PCDHA2: variants seen among roughly 807,000 people sequenced by gnomAD.
PCDHA2 encodes the protein protocadherin alpha 2, also known as protocadherin alpha-2.
A neutral mutation model predicts 66.0 loss-of-function variants in PCDHA2; 58 were observed. The observed-to-expected ratio is 0.88, with a 90% CI of 0.71 to 1.09. The LOEUF is 1.09. Among genes scored for constraint, PCDHA2 ranks in the 50% least tolerant of loss-of-function variants. The pLI is 0.00. For synonymous variants in PCDHA2, 634 were observed against 554.0 expected, an observed-to-expected ratio of 1.14 and a Z score of -2.03; for missense variants, 1,267 against 1,242.3, an observed-to-expected ratio of 1.02 and a Z score of -0.30.
chr5:140,911,693 CAAAT>C, intron 1 of PCDHA2, among the ~76,000 whole-genome samples: 1 of 152,156 alleles, frequency 6.6e-6, no homozygotes, highest in East Asian at 1.9e-4. Flanking sequence ...TCAGGAGTGT[CAAAT>C]GAATTTATTT....
rs2150128488 is a variant in PCDHA2 at position 140,823,719 on chromosome 5, G to A, written c.2388+26367G>A. The A allele has an allele frequency of 3.1e-6, 5 of 1,613,928 alleles. No individual in the cohort carries two copies. In the African/African-American group the frequency reaches 5.3e-5, roughly 17 times the overall value. ...AAGCACCGCGCCACCGCCTTCTGGT[G>A]CTGGTGAAGGACCATGGAGAGCCCC... On this transcript the variant is annotated intron_variant, in intron 1 of 3. Transcript: ENST00000526136.
chr5:140,865,798 C>T (rs1467476362), intron 1 of PCDHA2: 1 of 152,146 alleles, frequency 6.6e-6, no homozygotes, highest in East Asian at 1.9e-4. Context: ...AGGCTTCAGA[C>T]TCATTCTTTT....
intron 1 of PCDHA2, among the ~76,000 whole-genome samples, chr5:140,946,207 A>G (rs1435472095): frequency 2.0e-5 from 3 of 152,068 alleles, no homozygotes; most frequent in Non-Finnish European, 4.4e-5. Flanking sequence ...AAAGCACACA[A>G]ATGACCAACA....
In PCDHA2 at chr5:140,922,291, T is replaced by A. The variant is rs951080588; in HGVS notation, c.2389-56658T>A. ...AGATTGGACCAAGATATGAAAATGC[T>A]AGGAGAGGATACCTTTCACTGAAGA... On this transcript the variant is annotated intron_variant, in intron 1 of 3. Coordinates refer to ENST00000526136, the MANE Select transcript of PCDHA2 (RefSeq NM_018905.3). Among the ~76,000 whole-genome samples, 38 of 152,228 alleles carry A rather than the reference T, an allele frequency of 2.5e-4. 1 individual carries two copies. The highest frequency in any genetic ancestry group is 1.5e-5 in the Non-Finnish European group (1 of 68,048).
chr5:140,838,880 A>T (rs959221934), intron 1 of PCDHA2, among the ~76,000 whole-genome samples: 5 of 151,848 alleles, frequency 3.3e-5, no homozygotes. Context: ...ATGCCACTGA[A>T]CTCCAGCCTA....
intron 3 of PCDHA2, among the ~76,000 whole-genome samples, chr5:140,997,500 C>T (rs567570276): frequency 5.3e-4 from 80 of 152,250 alleles, no homozygotes; most frequent in South Asian, 3.9e-3. Context: ...TGTATCTCAA[C>T]ATACCTAAAC....
At chr5:140,801,335 C>A (rs782420366) in intron 1 of PCDHA2, 1 of 1,613,244 alleles carries the variant, frequency 6.2e-7, no homozygotes, top group East Asian at 2.2e-5. Context: ...CCTTCGTGGG[C>A]CGCATCGCGC....
intron 1 of PCDHA2, chr5:140,877,657 G>A: frequency 6.2e-7 from 1 of 1,613,570 alleles, no homozygotes; most frequent in Non-Finnish European, 8.5e-7. Flanking sequence ...GCCGCCCACC[G>A]TGAGCCGGTG....
At position 140,796,667 on chromosome 5, in the gene PCDHA2, C is replaced by T. The variant is rs1554120037; in HGVS notation, c.1703C>T (p.Pro568Leu). 1 of 1,613,886 alleles carries T rather than the reference C, an allele frequency of 6.2e-7. No homozygotes were observed. Among genetic ancestry groups the T allele is most frequent in the Non-Finnish European group, 8.5e-7 (1 of 1,179,880 alleles). ...GACAACGCGCCGGCACTGTTGGCGC[C>T]TAGGGCTGGCACCGCTGCTGGCGCA... ...ENDNAPALLA[P>L]RAGTAAGAVS... The change falls in exon 1 of 4, where the codon CCT becomes CTT. Residue 568 changes from proline (P) to leucine (L), a missense_variant. Physicochemically the swap from Pro to Leu is moderately conservative, Grantham distance 98 (BLOSUM62 -3). Coordinates refer to ENST00000526136, the MANE Select transcript of PCDHA2 (RefSeq NM_018905.3).
At chr5:140,988,963 G>A (rs1273293184) in intron 3 of PCDHA2, 2 of 152,140 alleles carry the variant, frequency 1.3e-5, no homozygotes, top group African/African-American at 4.8e-5. Flanking sequence ...CAAGCCCCAC[G>A]ATGGAGAGAA....
At chr5:140,836,178 G>A in intron 1 of PCDHA2, 1 of 1,613,826 alleles carries the variant, frequency 6.2e-7, no homozygotes, top group Non-Finnish European at 8.5e-7. Context: ...TGCAGTTGAC[G>A]CTGACTCAGG....
At chr5:140,893,608 T>C (rs2064082274) in intron 1 of PCDHA2, among the ~76,000 whole-genome samples, 1 of 152,256 alleles carries the variant, frequency 6.6e-6, no homozygotes, top group African/African-American at 2.4e-5. Flanking sequence ...TTCTCCTTCA[T>C]TTCTGAAGTA....
At chr5:140,987,944 T>C (rs910006070) in intron 3 of PCDHA2, among the ~76,000 whole-genome samples, 11 of 152,186 alleles carry the variant, frequency 7.2e-5, no homozygotes, top group African/African-American at 2.7e-4. Context: ...CTTACCTGTC[T>C]GACAAAACCA....
intron 1 of PCDHA2, among the ~76,000 whole-genome samples, chr5:140,976,726 T>C (rs2096728998): frequency 6.6e-6 from 1 of 152,202 alleles, no homozygotes; most frequent in East Asian, 1.9e-4. Context: ...TTCATTTATT[T>C]AAACACATTT....
At chr5:140,877,812 A>AGT (rs1199623134) in intron 1 of PCDHA2, 1 of 1,610,228 alleles carries the variant, frequency 6.2e-7, no homozygotes, top group East Asian at 2.2e-5. Context: ...AGCTGTCTCG[A>AGT]GAAGATTGTT....
At chr5:140,809,141 A>T in intron 1 of PCDHA2, 2 of 1,613,966 alleles carry the variant, frequency 1.2e-6, no homozygotes, top group Non-Finnish European at 1.7e-6. Flanking sequence ...GGTACTGGTG[A>T]AGGACCACGG....
intron 1 of PCDHA2, chr5:140,808,493 T>G (rs781860911): frequency 1.9e-6 from 3 of 1,614,134 alleles, no homozygotes; most frequent in Non-Finnish European, 2.5e-6. Flanking sequence ...GCCTTCGCTG[T>G]GGGCCACGGC....
At chr5:140,900,178 T>G (rs972449455) in intron 1 of PCDHA2, among the ~76,000 whole-genome samples, 1 of 152,238 alleles carries the variant, frequency 6.6e-6, no homozygotes, top group East Asian at 1.9e-4. Flanking sequence ...GCCTGGTTTA[T>G]GTCACTTATA....
Position 141,010,026 on chromosome 5 carries a change from T to C in PCDHA2, c.*89T>C. On this transcript the variant is annotated 3_prime_UTR_variant, in exon 4 of 4. Transcript: ENST00000526136. ...AGCAATTCCCTGCTCCTTTTTCCTA[T>C]CTACATGAGCCCTCTTAGAGACCTC... 1 of 1,574,670 alleles carries C rather than the reference T, an allele frequency of 6.4e-7. No homozygotes were observed. The highest frequency in any genetic ancestry group is 8.6e-7 in the Non-Finnish European group (1 of 1,164,154).
Sources: allele counts gnomAD v4.1 joint callset (sites outside exome capture counted in the v4.1 genomes callset), GRCh38; gene constraint gnomAD v4.1.1; transcripts MANE v1.5; gene names NCBI Gene and HGNC (gene_info 2026-07-23, HGNC 2026-07-21).